FAM167A: variants seen among roughly 807,000 people sequenced by gnomAD.
The protein encoded by FAM167A is family with sequence similarity 167 member A, also known as protein FAM167A.
A neutral mutation model predicts 14.9 loss-of-function variants in FAM167A; 23 were observed. That is an observed-to-expected ratio of 1.55 (90% CI 1.11 to 2.19). The LOEUF (loss-of-function observed/expected upper bound fraction) is 2.19, where lower values mean the gene tolerates loss of function less well. Ranked by LOEUF, FAM167A falls within the 30% of genes most tolerant of loss-of-function variation. The probability of loss-of-function intolerance (pLI) is 0.00; values close to 1 mark genes in which losing one functional copy is unlikely to be tolerated. For missense variants in FAM167A, 401 were observed against 281.5 expected (o/e 1.42, Z -3.04); for synonymous variants, 174 against 117.7 (o/e 1.48, Z -3.10).
intron 1 of FAM167A, among the ~76,000 whole-genome samples, chr8:11,447,596 C>T (rs1806840421): frequency 6.6e-6 from 1 of 152,218 alleles, no homozygotes; most frequent in African/African-American, 2.4e-5. Context: ...GGCGGGATCA[C>T]CCCATTTCAC....
intron 1 of FAM167A, among the ~76,000 whole-genome samples, chr8:11,449,434 G>A (rs755738681): frequency 2.0e-5 from 3 of 152,150 alleles, no homozygotes; most frequent in Non-Finnish European, 2.9e-5. Flanking sequence ...GCCTCCCCTC[G>A]CTTGACAAAC....
rs1023001071 is a variant in FAM167A, at chr8:11,424,096, G to C, written c.*277C>G. The C allele has an allele frequency of 4.9e-6, 2 of 411,670 alleles. No homozygotes were observed. The highest frequency in any genetic ancestry group is 8.9e-6 in the Non-Finnish European group (2 of 225,712). 25.5% of individuals were successfully genotyped at this position (411,670 alleles called of 1,614,324 possible). A position where few individuals can be genotyped will look rare whatever the true frequency, so the allele number is the denominator to read the frequency against. The stretch of plus-strand genomic sequence containing the variant: ...CGTGACCGTGGAGGGATGGATTATG[G>C]TGGGAACCCAGGTCTCCTTTAACAT... On this transcript the variant is annotated 3_prime_UTR_variant, in exon 3 of 3. Coordinates refer to ENST00000284486, the MANE Select transcript of FAM167A (RefSeq NM_053279.3).
intron 1 of FAM167A, among the ~76,000 whole-genome samples, chr8:11,455,699 T>C (rs56235592): frequency 0.14 from 18,391 of 129,558 alleles, 1,742 homozygotes; most frequent in Non-Finnish European, 0.21. Flanking sequence ...TGGGGGATGG[T>C]TGCTCTGCGG....
At chr8:11,437,179 T>C (rs1259328831) in intron 2 of FAM167A, among the ~76,000 whole-genome samples, 1 of 152,178 alleles carries the variant, frequency 6.6e-6, no homozygotes, top group Non-Finnish European at 1.5e-5. Context: ...CTGCAGGGCT[T>C]TGAGGTCGGG....
chr8:11,456,052 G>C (rs1157327355), intron 1 of FAM167A, among the ~76,000 whole-genome samples: 2 of 146,620 alleles, frequency 1.4e-5, no homozygotes, highest in Non-Finnish European at 3.0e-5. Flanking sequence ...GTGTGGGGTG[G>C]TTGCCTTGCT....
chr8:11,431,547 C>T (rs929168698), intron 2 of FAM167A, among the ~76,000 whole-genome samples: 6 of 152,192 alleles, frequency 3.9e-5, no homozygotes, highest in African/African-American at 1.4e-4. Flanking sequence ...ATTTTACTGA[C>T]ATTTAAACAA....
chr8:11,470,974 G>A (rs1405179337), upstream of FAM167A, among the ~76,000 whole-genome samples: 1 of 152,214 alleles, frequency 6.6e-6, no homozygotes, highest in East Asian at 1.9e-4. Context: ...TGTCTTCTAG[G>A]GAACCTGTTA....
At chr8:11,441,337 T>G (rs1806424168) in intron 2 of FAM167A, among the ~76,000 whole-genome samples, 1 of 152,220 alleles carries the variant, frequency 6.6e-6, no homozygotes, top group Non-Finnish European at 1.5e-5. Context: ...ATACCCTAAG[T>G]GTGGCCCAGG....
chr8:11,437,810 A>G (rs192286901), intron 2 of FAM167A, among the ~76,000 whole-genome samples: 4 of 152,324 alleles, frequency 2.6e-5, no homozygotes, highest in Admixed American at 2.6e-4. Flanking sequence ...AGAAACGTGA[A>G]TGGGAAATAA....
At chr8:11,429,021 T>G (rs967952711) in intron 2 of FAM167A, among the ~76,000 whole-genome samples, 1 of 152,172 alleles carries the variant, frequency 6.6e-6, no homozygotes, top group Non-Finnish European at 1.5e-5. Flanking sequence ...TACAGCTCGG[T>G]GGCAATTAAG....
chr8:11,437,630 C>G (rs989991858), intron 2 of FAM167A, among the ~76,000 whole-genome samples: 4 of 149,398 alleles, frequency 2.7e-5, no homozygotes, highest in Admixed American at 2.0e-4. Context: ...TGTTAAAACC[C>G]CAACACCTCC....
At chr8:11,445,669 G>A in intron 1 of FAM167A, 1 of 959,138 alleles carries the variant, frequency 1.0e-6, no homozygotes. Flanking sequence ...ATCAGACACA[G>A]GGTAGAAATC....
chr8:11,473,581 C>T (rs1027625666), intron 1 of FAM167A, among the ~76,000 whole-genome samples: 1 of 152,194 alleles, frequency 6.6e-6, no homozygotes, highest in Non-Finnish European at 1.5e-5. Context: ...AAAGAACGCA[C>T]ACCTTCTTTC....
intron 2 of FAM167A, among the ~76,000 whole-genome samples, chr8:11,439,469 C>T (rs763842498): frequency 6.6e-6 from 1 of 152,274 alleles, no homozygotes; most frequent in Non-Finnish European, 1.5e-5. Context: ...GGGCAGCCCC[C>T]TCGAAGCCAC....
At chr8:11,468,838 A>C (rs550382150), upstream of FAM167A, among the ~76,000 whole-genome samples, 7 of 152,328 alleles carry the variant, frequency 4.6e-5, no homozygotes, top group South Asian at 2.1e-4. Flanking sequence ...CAGCCTGTCC[A>C]AGGCAAGGGT....
intron 2 of FAM167A, chr8:11,438,561 T>C (rs1257567576): frequency 2.2e-6 from 1 of 452,600 alleles, no homozygotes; most frequent in Non-Finnish European, 4.4e-6. Flanking sequence ...CCCTTGATTA[T>C]ACATGATATA....
chr8:11,434,330 G>A (rs914403464), intron 2 of FAM167A, among the ~76,000 whole-genome samples: 2 of 152,162 alleles, frequency 1.3e-5, no homozygotes, highest in Non-Finnish European at 2.9e-5. Flanking sequence ...TCTCTTTCAG[G>A]CCCCTGGCCT....
chr8:11,427,643 T>C (rs1010404287), intron 2 of FAM167A, among the ~76,000 whole-genome samples: 5 of 152,186 alleles, frequency 3.3e-5, no homozygotes, highest in African/African-American at 1.2e-4. Context: ...CCAGCGAGCA[T>C]CTCAATGTTC....
intron 2 of FAM167A, among the ~76,000 whole-genome samples, chr8:11,430,362 C>G (rs1365072189): frequency 6.6e-6 from 1 of 152,216 alleles, no homozygotes; most frequent in East Asian, 1.9e-4. Flanking sequence ...TTTGAAACAG[C>G]TGTGCTTGTG....
Sources: gnomAD v4.1 joint callset for allele counts (sites outside exome capture counted in the v4.1 genomes callset) on GRCh38, gnomAD v4.1.1 for gene constraint, MANE v1.5 for transcripts, NCBI Gene and HGNC (gene_info 2026-07-23, HGNC 2026-07-21) for gene names.